The following LRP1B variants were observed in gnomAD, a reference collection of about 807,000 sequenced individuals.
The protein encoded by LRP1B is low-density lipoprotein receptor-related protein 1B.
Under a neutral mutation model 556.6 loss-of-function variants are expected in LRP1B, and 217 were observed. The ratio of observed to expected loss-of-function variants is 0.39; its 90% CI spans 0.35 to 0.44. LRP1B has a LOEUF of 0.44. Ranked by LOEUF, LRP1B falls within the 20% of genes least tolerant of loss-of-function variation. The pLI is 1.00. For missense variants in LRP1B, 5,053 were observed against 5,620.8 expected (o/e 0.90, Z 3.23); for synonymous variants, 2,047 against 1,865.8 (o/e 1.10, Z -2.50).
chr2:142,082,839 T>C (rs947536041), intron 1 of LRP1B, among the ~76,000 whole-genome samples: 4 of 152,230 alleles, frequency 2.6e-5, no homozygotes, highest in African/African-American at 4.8e-5. Context: ...TTATCTAATA[T>C]GTATGGGAGA....
chr2:140,569,428 C>T (rs1475993053), intron 43 of LRP1B, among the ~76,000 whole-genome samples: 1 of 151,600 alleles, frequency 6.6e-6, no homozygotes, highest in African/African-American at 2.4e-5. Flanking sequence ...CTGCATCAGA[C>T]AAAAGTAACT....
chr2:141,894,616 G>A lies in LRP1B; in HGVS notation c.83-84215C>T, dbSNP rs116712772. ...TGAGGAACACAGAAATCAACAAGAGGATATTCTAAATAGAATATTTAGATC... is the reference window on the plus strand; with the variant it reads ...TGAGGAACACAGAAATCAACAAGAGAATATTCTAAATAGAATATTTAGATC... On this transcript the variant is annotated intron_variant, in intron 1 of 90. Transcript: ENST00000389484. Among the ~76,000 whole-genome samples the A allele has an allele frequency of 5.8e-3, 872 of 151,198 alleles. 7 individuals carry two copies. The highest frequency in any genetic ancestry group is 0.02 in the African/African-American group (840 of 41,096).
chr2:140,338,382 C>A (rs538123984), intron 77 of LRP1B, among the ~76,000 whole-genome samples: 122 of 151,580 alleles, frequency 8.0e-4, no homozygotes, highest in Admixed American at 2.8e-3. Context: ...GAGAGAATAA[C>A]AAAACAAAAG....
chr2:141,193,471 C>A (rs1681608697), intron 6 of LRP1B, among the ~76,000 whole-genome samples: 1 of 151,906 alleles, frequency 6.6e-6, no homozygotes, highest in African/African-American at 2.4e-5. Flanking sequence ...AGGTTATTAG[C>A]AAACTAAGAC....
intron 7 of LRP1B, among the ~76,000 whole-genome samples, chr2:141,076,599 G>A (rs1699792672): frequency 6.6e-6 from 1 of 152,120 alleles, no homozygotes; most frequent in Non-Finnish European, 1.5e-5. Flanking sequence ...ACCTGAGGAT[G>A]CATCTTAACA....
At chr2:141,456,279 C>T (rs1681626234) in intron 3 of LRP1B, among the ~76,000 whole-genome samples, 1 of 152,154 alleles carries the variant, frequency 6.6e-6, no homozygotes, top group African/African-American at 2.4e-5. Flanking sequence ...CTATTATTTA[C>T]TTTTAAGTTT....
At position 141,889,674 on chromosome 2, in the gene LRP1B, G is replaced by A. The variant is rs1021512769; in HGVS notation, c.83-79273C>T. On this transcript the variant is annotated intron_variant, in intron 1 of 90. Transcript: ENST00000389484. ...ACTGTCACACTTTGCATAATCATTAGTAGTCCCATGAACATTAATTATTTG... is the reference window on the plus strand; with the variant it reads ...ACTGTCACACTTTGCATAATCATTAATAGTCCCATGAACATTAATTATTTG... Among the ~76,000 whole-genome samples the A allele has an allele frequency of 2.0e-5, 3 of 152,264 alleles. No homozygotes were observed. In the East Asian group the frequency reaches 5.8e-4, roughly 29 times the overall value.
intron 1 of LRP1B, among the ~76,000 whole-genome samples, chr2:141,994,894 G>C (rs1702446728): frequency 6.6e-6 from 1 of 152,060 alleles, no homozygotes; most frequent in Non-Finnish European, 1.5e-5. Context: ...TCCTACAGCT[G>C]CCTTTTTCAC....
chr2:141,471,624 A>G (rs1192162627), intron 3 of LRP1B, among the ~76,000 whole-genome samples: 1 of 152,162 alleles, frequency 6.6e-6, no homozygotes, highest in African/African-American at 2.4e-5. Context: ...CTCATGTAGA[A>G]TTAGATGTTT....
In LRP1B at chr2:141,271,183, C is replaced by T. The variant is rs544029372; in HGVS notation, c.344-16542G>A. Among the ~76,000 whole-genome samples the T allele has an allele frequency of 4.0e-4, 60 of 151,592 alleles. 1 individual carries two copies. The South Asian group carries it at 0.012, about 31-fold the overall frequency. Reference sequence around the variant, plus strand: ...AAGGAAGAAATGATAAACTTGAAGTCATATTATATAATCGGAATAATGCAG... The same window carrying T: ...AAGGAAGAAATGATAAACTTGAAGTTATATTATATAATCGGAATAATGCAG... On this transcript the variant is annotated intron_variant, in intron 3 of 90. Coordinates refer to ENST00000389484, the MANE Select transcript of LRP1B (RefSeq NM_018557.3).
At chr2:140,851,591 A>C (rs536632158) in intron 28 of LRP1B, 61 bp downstream of exon 28, 1 of 1,558,064 alleles carries the variant, frequency 6.4e-7, no homozygotes, top group Non-Finnish European at 8.7e-7. Flanking sequence ...TCTGAATGCT[A>C]ATATAATTTG....
At chr2:141,035,207 G>C (rs1698496422) in intron 11 of LRP1B, among the ~76,000 whole-genome samples, 1 of 151,812 alleles carries the variant, frequency 6.6e-6, no homozygotes, top group Non-Finnish European at 1.5e-5. Context: ...GACTGTTGTG[G>C]GGTGGGGGAA....
intron 20 of LRP1B, among the ~76,000 whole-genome samples, chr2:140,930,589 G>A (rs566226746): frequency 2.9e-4 from 44 of 152,212 alleles, no homozygotes; most frequent in African/African-American, 9.1e-4. Context: ...AGTCAAGAAT[G>A]TTGCTGCAAA....
intron 1 of LRP1B, among the ~76,000 whole-genome samples, chr2:142,054,597 C>G (rs192486171): frequency 6.6e-6 from 1 of 152,196 alleles, no homozygotes; most frequent in Non-Finnish European, 1.5e-5. Context: ...TTTACGATGA[C>G]ACATAGTCAA....
At chr2:140,396,679 A>T (rs1684273279) in intron 66 of LRP1B, among the ~76,000 whole-genome samples, 1 of 152,230 alleles carries the variant, frequency 6.6e-6, no homozygotes, top group South Asian at 2.1e-4. Context: ...TTTAATAGCT[A>T]GTTAATAAAT....
At chr2:140,606,687 G>GA (rs917817493) in intron 41 of LRP1B, among the ~76,000 whole-genome samples, 2 of 151,650 alleles carry the variant, frequency 1.3e-5, no homozygotes, top group South Asian at 2.1e-4. Flanking sequence ...AGTCCAATGA[G>GA]AAAAAAAATT....
chr2:140,614,721 T>C (rs1012557834), intron 41 of LRP1B, among the ~76,000 whole-genome samples: 1 of 152,124 alleles, frequency 6.6e-6, no homozygotes, highest in African/African-American at 2.4e-5. Context: ...AATGAAACTC[T>C]CCTCCACTAC....
intron 43 of LRP1B, among the ~76,000 whole-genome samples, chr2:140,567,345 T>C (rs937836352): frequency 7.2e-5 from 11 of 152,328 alleles, no homozygotes; most frequent in African/African-American, 2.4e-4. Flanking sequence ...CACCACTATC[T>C]GCTGACTTAT....
chr2:141,713,779 G>A (rs895751266), intron 2 of LRP1B, among the ~76,000 whole-genome samples: 3 of 152,094 alleles, frequency 2.0e-5, no homozygotes, highest in Non-Finnish European at 2.9e-5. Flanking sequence ...ATATTATTAT[G>A]AATCTTTGGA....
Sources: gnomAD v4.1 joint callset for allele counts (sites outside exome capture counted in the v4.1 genomes callset) on GRCh38, gnomAD v4.1.1 for gene constraint, MANE v1.5 for transcripts, NCBI Gene and HGNC (gene_info 2026-07-23, HGNC 2026-07-21) for gene names.